Variants in SMARCC1 observed in about 807,000 individuals in gnomAD.
SMARCC1 encodes the protein SWI/SNF related BAF chromatin remodeling complex subunit C1.
A neutral mutation model predicts 147.4 loss-of-function variants in SMARCC1; 43 were observed. The ratio of observed to expected loss-of-function variants is 0.29; its 90% CI spans 0.23 to 0.38. The LOEUF is 0.38. Among genes scored for constraint, SMARCC1 ranks in the 10% least tolerant of loss-of-function variants. The pLI, the probability that SMARCC1 is intolerant of heterozygous loss-of-function variation, is 1.00. For missense variants in SMARCC1, 1,119 were observed against 1,381.1 expected (o/e 0.81, Z 3.01); for synonymous variants, 495 against 484.4 (o/e 1.02, Z -0.29).
At chr3:47,606,877 CT>C (rs34081063) in intron 26 of SMARCC1, among the ~76,000 whole-genome samples, 37,429 of 135,734 alleles carry the variant, frequency 0.28, 5,266 homozygotes, top group South Asian at 0.42. Context: ...CACCTGGCTA[CT>C]TTTTTTTTTT....
At chr3:47,611,407 CTT>C (rs1167214719) in intron 25 of SMARCC1, among the ~76,000 whole-genome samples, 2 of 151,992 alleles carry the variant, frequency 1.3e-5, no homozygotes, top group Non-Finnish European at 1.5e-5. Context: ...AATTTGAAGA[CTT>C]AATATGAAAA....
Position 47,670,711 on chromosome 3 carries a change from CT to C in SMARCC1, c.1845del (p.Gly616ValfsTer47). Reference protein sequence around the residue: ...IYSKKTLAKSKGASAGREWTE... With the variant: ...IYSKKTLAKSXGASAGREWTE... ...GTCCATTCTCTTCCAGCACTAGCAC[CT>C]TTACTCTAAGGAAACAAAATCAGAA... On this transcript the variant is annotated frameshift_variant, in exon 19 of 28. Coordinates refer to ENST00000254480, the MANE Select transcript of SMARCC1 (RefSeq NM_003074.4). LOFTEE classifies it high-confidence loss of function. 1 of 1,590,004 alleles carries C rather than the reference CT, an allele frequency of 6.3e-7. No homozygotes were observed. The highest frequency in any genetic ancestry group is 8.6e-7 in the Non-Finnish European group (1 of 1,157,670).
chr3:47,744,497 T>G (rs914158478), intron 3 of SMARCC1, among the ~76,000 whole-genome samples: 31 of 152,304 alleles, frequency 2.0e-4, no homozygotes, highest in African/African-American at 7.2e-4. Context: ...AATTACACAC[T>G]TGTCCTTATT....
rs1282437917 is a variant in SMARCC1, at chr3:47,671,188, A to AAAAAAAAAAAAAC, written c.1840-472_1840-471insGTTTTTTTTTTTT. ...GAGACTATCTCAAAAAAAAAAAAAA[A>AAAAAAAAAAAAAC]AAAAAAAAAACACACACAAAAACCA... On this transcript the variant is annotated intron_variant, in intron 18 of 27. Coordinates refer to ENST00000254480, the MANE Select transcript of SMARCC1 (RefSeq NM_003074.4). Among the ~76,000 whole-genome samples the AAAAAAAAAAAAAC allele has an allele frequency of 6.1e-5, 9 of 146,598 alleles. 2 individuals carry two copies. The highest frequency in any genetic ancestry group is 1.3e-4 in the Non-Finnish European group (9 of 66,694).
At chr3:47,667,521 C>T (rs1403838357) in intron 19 of SMARCC1, among the ~76,000 whole-genome samples, 2 of 152,200 alleles carry the variant, frequency 1.3e-5, no homozygotes. Flanking sequence ...AGTCTTGTCA[C>T]TTTCAAGCCC....
intron 19 of SMARCC1, chr3:47,670,325 G>T (rs2033478528): frequency 6.8e-6 from 2 of 293,326 alleles, no homozygotes; most frequent in Non-Finnish European, 6.3e-6. Context: ...CAGGCACAGT[G>T]GTTCATGCCA....
At chr3:47,767,812 G>C (rs1172898843) in intron 2 of SMARCC1, among the ~76,000 whole-genome samples, 1 of 151,606 alleles carries the variant, frequency 6.6e-6, no homozygotes, top group African/African-American at 2.4e-5. Flanking sequence ...AGGTTGCAGT[G>C]AGCCAAGACT....
intron 25 of SMARCC1, among the ~76,000 whole-genome samples, chr3:47,615,844 C>T (rs1007476832): frequency 2.0e-5 from 3 of 152,128 alleles, no homozygotes; most frequent in African/African-American, 7.2e-5. Flanking sequence ...CCACCACGCC[C>T]GCCTAATTTT....
chr3:47,638,925 G>A (rs1244240413), intron 21 of SMARCC1, 145 bp from the exon 22 acceptor site: 9 of 650,492 alleles, frequency 1.4e-5, no homozygotes, highest in Non-Finnish European at 1.9e-5. Flanking sequence ...AAAGAAGTCA[G>A]GCACAAAACA....
chr3:47,664,259 G>C (rs932297001), intron 19 of SMARCC1, among the ~76,000 whole-genome samples: 1 of 149,538 alleles, frequency 6.7e-6, no homozygotes, highest in South Asian at 2.1e-4. Context: ...GAATGTATAA[G>C]AGCAACAGAC....
At chr3:47,776,736 T>C (rs543703393) in intron 1 of SMARCC1, among the ~76,000 whole-genome samples, 7 of 152,078 alleles carry the variant, frequency 4.6e-5, no homozygotes, top group Non-Finnish European at 1.0e-4. Flanking sequence ...TACATATATA[T>C]GTAAACATAT....
chr3:47,615,705 C>CA (rs1169556461), intron 25 of SMARCC1, among the ~76,000 whole-genome samples: 1 of 151,932 alleles, frequency 6.6e-6, no homozygotes, highest in Non-Finnish European at 1.5e-5. Flanking sequence ...TTTTTTAAGA[C>CA]AGAGTTTTGC....
At chr3:47,624,984 T>A (rs1576391030) in intron 24 of SMARCC1, among the ~76,000 whole-genome samples, 1 of 151,124 alleles carries the variant, frequency 6.6e-6, no homozygotes, top group East Asian at 1.9e-4. Context: ...GAGCCAAGAT[T>A]GCGCCACAGC....
At chr3:47,740,843 T>G (rs2034500910) in intron 3 of SMARCC1, among the ~76,000 whole-genome samples, 1 of 139,668 alleles carries the variant, frequency 7.2e-6, no homozygotes, top group Non-Finnish European at 1.5e-5. Flanking sequence ...AGAGGGAGAC[T>G]CTGACTCAAA....
At chr3:47,701,604 A>G in intron 10 of SMARCC1, 1 of 527,164 alleles carries the variant, frequency 1.9e-6, no homozygotes, top group Non-Finnish European at 3.4e-6. Flanking sequence ...CACTAAGGTC[A>G]GGAGTTTGAG....
chr3:47,604,441 G>A (rs2032435735), intron 26 of SMARCC1: 1 of 381,536 alleles, frequency 2.6e-6, no homozygotes, highest in South Asian at 2.0e-5. Context: ...AGCTCCCAAT[G>A]TAAGCTGTGG....
chr3:47,597,617 T>C (rs1203303625), intron 26 of SMARCC1, among the ~76,000 whole-genome samples: 2 of 152,102 alleles, frequency 1.3e-5, no homozygotes, highest in Non-Finnish European at 2.9e-5. Flanking sequence ...TGAGCCACCA[T>C]GCCCGGCCCA....
intron 3 of SMARCC1, 98 bp from the exon 4 acceptor site, chr3:47,738,208 G>C (rs972538016): frequency 1.4e-6 from 1 of 717,052 alleles, no homozygotes. Flanking sequence ...AGAAAGATTT[G>C]AAAATTAAAA....
intron 26 of SMARCC1, among the ~76,000 whole-genome samples, chr3:47,595,256 G>A (rs1288421691): frequency 2.0e-5 from 3 of 152,126 alleles, no homozygotes; most frequent in Non-Finnish European, 2.9e-5. Context: ...AAGCGGGCGC[G>A]ATGGCTCACG....
Sources: allele counts gnomAD v4.1 joint callset (sites outside exome capture counted in the v4.1 genomes callset), GRCh38; gene constraint gnomAD v4.1.1; transcripts MANE v1.5; gene names NCBI Gene and HGNC (gene_info 2026-07-23, HGNC 2026-07-21).